SESN1: variants seen among roughly 807,000 people sequenced by gnomAD.
SESN1 encodes the protein sestrin-1.
A neutral mutation model predicts 59.3 loss-of-function variants in SESN1; 30 were observed. That is an observed-to-expected ratio of 0.51 (90% confidence interval 0.38 to 0.69). The LOEUF (loss-of-function observed/expected upper bound fraction) is 0.69, where lower values mean the gene tolerates loss of function less well. Among genes scored for constraint, SESN1 ranks in the 30% least tolerant of loss-of-function variants. SESN1 has a pLI of 0.00. For missense variants in SESN1, 566 were observed against 673.0 expected, an observed-to-expected ratio of 0.84 and a Z score of 1.76; for synonymous variants, 197 against 219.9, an observed-to-expected ratio of 0.90 and a Z score of 0.92.
At chr6:109,093,663 A>G (rs1048533602) in intron 1 of SESN1, 132 bp downstream of exon 1, 1 of 886,124 alleles carries the variant, frequency 1.1e-6, no homozygotes, top group Non-Finnish European at 1.7e-6. Flanking sequence ...TTACTTACAG[A>G]ACACTCTAAA....
rs1371946616 is a variant in SESN1 at position 109,009,557 on chromosome 6, G to A, written c.280-7214C>T. On this transcript the variant is annotated intron_variant, in intron 1 of 9. Coordinates refer to ENST00000436639, the MANE Select transcript of SESN1 (RefSeq NM_014454.3). ...AGCGCCTCAGTCAGCACGGACGGCG[G>A]GGGGGCGGGGCGGCGCCGACAAACA... The A allele has an allele frequency of 8.3e-6, 8 of 969,444 alleles. No homozygotes were observed. The South Asian group carries it at 3.3e-4, about 40-fold the overall frequency. The allele number at this position is 969,444 out of a possible 1,614,324, so 60.1% of individuals were successfully genotyped here.
In SESN1 at chr6:108,998,945, C is replaced by T. The variant is rs1583263700; in HGVS notation, c.730-190G>A. ...ATATGCATTCACAAATAGAACTTAA[C>T]ATAATCTGTTAAGACATTCACTATT... On this transcript the variant is annotated intron_variant, in intron 4 of 9. Coordinates refer to ENST00000436639, the MANE Select transcript of SESN1 (RefSeq NM_014454.3). 28 of 523,744 alleles carry T rather than the reference C, an allele frequency of 5.3e-5. No homozygotes were observed. The East Asian group carries it at 9.0e-4, about 17-fold the overall frequency. The allele number at this position is 523,744 out of a possible 1,614,324, so 32.4% of individuals were successfully genotyped here. A position where few individuals can be genotyped will look rare whatever the true frequency, so the allele number is the denominator to read the frequency against.
intron 1 of SESN1, among the ~76,000 whole-genome samples, chr6:109,086,734 CTA>C (rs1339569186): frequency 6.6e-6 from 1 of 151,168 alleles, no homozygotes; most frequent in Non-Finnish European, 1.5e-5. Flanking sequence ...GTACAAAATA[CTA>C]TATCCCATTT....
In SESN1 at chr6:108,985,882, T is replaced by A. The variant is rs2128525526; in HGVS notation, c.*1662A>T. 6.6e-6 allele frequency among the ~76,000 whole-genome samples: 1 copy of A among 152,214 alleles called. No homozygotes were observed. Among genetic ancestry groups the A allele is most frequent in the African/African-American group, 2.4e-5 (1 of 41,502 alleles). On this transcript the variant is annotated 3_prime_UTR_variant, in exon 10 of 10. Transcript: ENST00000436639. ...AGTAAGTTTCTTTAAATATAAAACA[T>A]ATTGAAGATAATAATACTCTATTCC...
At chr6:109,040,000 G>A (rs1780313960) in intron 1 of SESN1, among the ~76,000 whole-genome samples, 1 of 152,204 alleles carries the variant, frequency 6.6e-6, no homozygotes, top group Non-Finnish European at 1.5e-5. Context: ...GAAGGACTGT[G>A]AGAGAATGTG....
At position 109,091,387 on chromosome 6, in the gene SESN1, T is replaced by A. The variant is rs1243037037; in HGVS notation, c.279+2408A>T. On this transcript the variant is annotated intron_variant, in intron 1 of 9. Transcript: ENST00000436639. ...ACCTAACGATGCATTTCTCAGAGTG[T>A]ATCACCATCATTAAGTGACACATGA... Among the ~76,000 whole-genome samples, 3 of 152,168 alleles carry A rather than the reference T, an allele frequency of 2.0e-5. No individual in the cohort carries two copies. The East Asian group carries it at 5.8e-4, about 29-fold the overall frequency.
At chr6:109,060,190 T>G (rs934951974) in intron 1 of SESN1, among the ~76,000 whole-genome samples, 1 of 152,178 alleles carries the variant, frequency 6.6e-6, no homozygotes, top group African/African-American at 2.4e-5. Context: ...GCCACACCAC[T>G]AAATAAAACA....
chr6:109,093,999 C>T lies in SESN1; in HGVS notation c.75G>A (p.Leu25=), dbSNP rs1157556536. ...SRDSTTRETA[L]ENIRQTILRK... is the part of the protein sequence containing the mutation. ...TCAAAATGGTTTGCCTAATGTTTTCCAATGCTGTCTCCCTAGTAGTTGAAT... is the reference window on the plus strand; with the variant it reads ...TCAAAATGGTTTGCCTAATGTTTTCTAATGCTGTCTCCCTAGTAGTTGAAT... Residue 25 remains leucine (L), a synonymous_variant, in exon 1 of 10, where the codon TTG becomes TTA. Transcript: ENST00000436639. The T allele has an allele frequency of 6.2e-7, 1 of 1,614,086 alleles. No individual in the cohort carries two copies. The highest frequency in any genetic ancestry group is 1.3e-5 in the African/African-American group (1 of 74,916).
chr6:109,072,904 T>G (rs1780962456), intron 1 of SESN1, among the ~76,000 whole-genome samples: 1 of 152,208 alleles, frequency 6.6e-6, no homozygotes, highest in South Asian at 2.1e-4. Flanking sequence ...AGTCAATTTT[T>G]TTTTTAATAA....
At chr6:108,997,159 C>T (rs574466266) in intron 5 of SESN1, among the ~76,000 whole-genome samples, 8 of 152,208 alleles carry the variant, frequency 5.3e-5, no homozygotes, top group African/African-American at 1.9e-4. Flanking sequence ...AGGCCATAAA[C>T]CTTCTAAAAG....
Position 108,994,565 on chromosome 6 carries a change from C to T in SESN1, c.1017G>A (p.Met339Ile). 6.2e-7 allele frequency: 1 copy of T among 1,613,596 alleles called. No individual in the cohort carries two copies. The highest frequency in any genetic ancestry group is 8.5e-7 in the Non-Finnish European group (1 of 1,179,768). ...CATCTCGACATTCCTGTAACTGCCTCATCTTTTCCATGAGGGCTTCAACCT... is the reference window on the plus strand; with the variant it reads ...CATCTCGACATTCCTGTAACTGCCTTATCTTTTCCATGAGGGCTTCAACCT... ...FFEVEALMEK[M>I]RQLQECRDEE... Residue 339 changes from methionine to isoleucine, a missense_variant, in exon 6 of 10, where the codon ATG becomes ATA. Met to Ile is a conservative substitution (Grantham distance 10). Coordinates refer to ENST00000436639, the MANE Select transcript of SESN1 (RefSeq NM_014454.3).
intron 1 of SESN1, among the ~76,000 whole-genome samples, chr6:109,042,082 T>G (rs1161673316): frequency 6.6e-6 from 1 of 151,992 alleles, no homozygotes; most frequent in Admixed American, 6.5e-5. Flanking sequence ...ATTTGCAAAC[T>G]AAACACCACA....
At chr6:109,077,351 C>T (rs1351024890) in intron 1 of SESN1, among the ~76,000 whole-genome samples, 1 of 152,138 alleles carries the variant, frequency 6.6e-6, no homozygotes, top group East Asian at 1.9e-4. Context: ...ATCAGACATG[C>T]CTTCTCGACT....
intron 5 of SESN1, among the ~76,000 whole-genome samples, chr6:108,995,860 A>G (rs1451007824): frequency 6.6e-6 from 1 of 152,118 alleles, no homozygotes; most frequent in African/African-American, 2.4e-5. Context: ...TTATAAATTT[A>G]TTTTGCCAGG....
chr6:109,061,852 G>A, intron 1 of SESN1, among the ~76,000 whole-genome samples: 1 of 152,106 alleles, frequency 6.6e-6, no homozygotes, highest in African/African-American at 2.4e-5. Flanking sequence ...TTTTTACTAT[G>A]TGCCTAATGA....
chr6:109,044,311 C>CCAAA (rs1780388697), intron 1 of SESN1, among the ~76,000 whole-genome samples: 1 of 28,472 alleles, frequency 3.5e-5, no homozygotes, highest in African/African-American at 2.0e-4. Context: ...GAACTTGCCT[C>CCAAA]AAAAAAAAAA....
chr6:109,002,789 T>C (rs1039524054), intron 1 of SESN1, among the ~76,000 whole-genome samples: 4 of 152,218 alleles, frequency 2.6e-5, no homozygotes, highest in African/African-American at 9.6e-5. Context: ...TATTATTACA[T>C]CTAAAACAAC....
At chr6:109,008,465 C>A (rs528302357) in intron 1 of SESN1, among the ~76,000 whole-genome samples, 1 of 152,290 alleles carries the variant, frequency 6.6e-6, no homozygotes, top group Non-Finnish European at 1.5e-5. Flanking sequence ...TGGTGCTTTA[C>A]AACCTTCATG....
At chr6:109,063,491 C>A (rs958854358) in intron 1 of SESN1, among the ~76,000 whole-genome samples, 19 of 152,158 alleles carry the variant, frequency 1.2e-4, no homozygotes, top group Admixed American at 1.1e-3. Flanking sequence ...ACAGAGCAAT[C>A]AAAATTTAGG....
Sources: allele counts gnomAD v4.1 joint callset (sites outside exome capture counted in the v4.1 genomes callset), GRCh38; gene constraint gnomAD v4.1.1; transcripts MANE v1.5; gene names NCBI Gene and HGNC (gene_info 2026-07-23, HGNC 2026-07-21).